Variants in KHDRBS2 observed in about 807,000 individuals in gnomAD.
KHDRBS2 encodes KH domain-containing, RNA-binding, signal transduction-associated protein 2.
KHDRBS2 carries 26 observed loss-of-function variants against 44.3 expected under a neutral mutation model. That is an observed-to-expected ratio of 0.59 (90% CI 0.43 to 0.81). The LOEUF (loss-of-function observed/expected upper bound fraction) is 0.81, where lower values mean the gene tolerates loss of function less well. Among genes scored for constraint, KHDRBS2 ranks in the 40% least tolerant of loss-of-function variants. The pLI is 0.00. For missense variants in KHDRBS2, 476 were observed against 433.1 expected (o/e 1.10, Z -0.88); for synonymous variants, 194 against 151.1 (o/e 1.28, Z -2.08).
chr6:62,055,122 G>A (rs574565119), intron 2 of KHDRBS2, among the ~76,000 whole-genome samples: 26 of 151,970 alleles, frequency 1.7e-4, no homozygotes, highest in African/African-American at 6.0e-4. Context: ...TTAAAATTAA[G>A]AATATCTGCT....
At chr6:62,124,669 C>T (rs1305169219) in intron 2 of KHDRBS2, among the ~76,000 whole-genome samples, 3 of 151,632 alleles carry the variant, frequency 2.0e-5, no homozygotes, top group Admixed American at 2.0e-4. Context: ...GATTCCATTT[C>T]TTTGCTATTG....
intron 6 of KHDRBS2, among the ~76,000 whole-genome samples, chr6:61,774,188 T>C (rs995103223): frequency 1.3e-5 from 2 of 152,260 alleles, no homozygotes; most frequent in East Asian, 1.9e-4. Context: ...AAGAAAGTCA[T>C]TGGTAGCTTG....
Position 62,009,956 on chromosome 6 carries a change from C to T in KHDRBS2, c.337-31744G>A, listed in dbSNP as rs141109007. Among the ~76,000 whole-genome samples, 189 of 152,262 alleles carry T rather than the reference C, an allele frequency of 1.2e-3. 2 individuals are homozygous for T. The highest frequency in any genetic ancestry group is 4.2e-3 in the African/African-American group (176 of 41,560). On this transcript the variant is annotated intron_variant, in intron 3 of 8. Coordinates refer to ENST00000281156, the MANE Select transcript of KHDRBS2 (RefSeq NM_152688.4). The stretch of plus-strand genomic sequence containing the variant: ...TGGGGTTGGAGCCCCCATACAGAGT[C>T]CTCACTGGGGTACTGCCTAGTGGAG...
At chr6:62,033,302 C>G (rs762214274) in intron 3 of KHDRBS2, among the ~76,000 whole-genome samples, 4 of 151,788 alleles carry the variant, frequency 2.6e-5, no homozygotes, top group Non-Finnish European at 5.9e-5. Context: ...TATTCAAAAG[C>G]ATTATAACAG....
chr6:61,767,607 A>C (rs2127574932), intron 6 of KHDRBS2, among the ~76,000 whole-genome samples: 1 of 151,866 alleles, frequency 6.6e-6, no homozygotes, highest in African/African-American at 2.4e-5. Flanking sequence ...AGTATATTTT[A>C]ATTTCTTGCT....
intron 2 of KHDRBS2, among the ~76,000 whole-genome samples, chr6:62,118,797 T>C (rs1015290560): frequency 2.6e-5 from 4 of 152,206 alleles, no homozygotes; most frequent in African/African-American, 9.6e-5. Context: ...CTACAGCTTT[T>C]GGACTCTTTG....
At chr6:62,067,337 A>G (rs1393726467) in intron 2 of KHDRBS2, among the ~76,000 whole-genome samples, 1 of 151,568 alleles carries the variant, frequency 6.6e-6, no homozygotes, top group Non-Finnish European at 1.5e-5. Context: ...TTACACCAGT[A>G]ACAGAAATGT....
At chr6:61,869,780 A>G (rs940083374) in intron 6 of KHDRBS2, among the ~76,000 whole-genome samples, 4 of 152,040 alleles carry the variant, frequency 2.6e-5, no homozygotes, top group East Asian at 1.9e-4. Context: ...CCCCTACCCA[A>G]TGGAAGCCAT....
chr6:62,204,793 T>A (rs1300852892), intron 1 of KHDRBS2, among the ~76,000 whole-genome samples: 1 of 152,138 alleles, frequency 6.6e-6, no homozygotes, highest in South Asian at 2.1e-4. Context: ...CTGTGAGGAA[T>A]CAGCATATAC....
chr6:62,106,075 C>A (rs957185339), intron 2 of KHDRBS2, among the ~76,000 whole-genome samples: 3 of 152,050 alleles, frequency 2.0e-5, no homozygotes, highest in African/African-American at 7.2e-5. Context: ...AGTTTCCATG[C>A]AGTTGAGCAG....
chr6:61,592,710 T>C, the KHDRBS2 span, among the ~76,000 whole-genome samples: 1 of 152,204 alleles, frequency 6.6e-6, no homozygotes, highest in Non-Finnish European at 1.5e-5. Flanking sequence ...GCTGAAAGTT[T>C]ATTTTCAGAA....
At chr6:62,222,697 T>C (rs1386709374) in intron 1 of KHDRBS2, among the ~76,000 whole-genome samples, 1 of 152,188 alleles carries the variant, frequency 6.6e-6, no homozygotes, top group South Asian at 2.1e-4. Context: ...TGGGTAAATA[T>C]TGCTGTTCTA....
At chr6:61,779,427 G>C (rs925788045) in intron 6 of KHDRBS2, among the ~76,000 whole-genome samples, 2 of 152,088 alleles carry the variant, frequency 1.3e-5, no homozygotes, top group Non-Finnish European at 2.9e-5. Context: ...TAAGAAAGCT[G>C]ATTTTTAGAT....
the KHDRBS2 span, among the ~76,000 whole-genome samples, chr6:61,640,557 T>C: frequency 1.3e-5 from 2 of 152,096 alleles, no homozygotes; most frequent in Non-Finnish European, 2.9e-5. Flanking sequence ...TGAGTCTGGA[T>C]TTTCACTGTT....
intron 2 of KHDRBS2, among the ~76,000 whole-genome samples, chr6:62,106,994 T>A (rs572537103): frequency 6.2e-4 from 94 of 152,176 alleles, no homozygotes; most frequent in South Asian, 2.9e-3. Flanking sequence ...TCATACTGAA[T>A]GGGCAAAAAC....
intron 6 of KHDRBS2, among the ~76,000 whole-genome samples, chr6:61,809,452 G>C (rs368252699): frequency 5.7e-4 from 86 of 152,176 alleles, no homozygotes; most frequent in African/African-American, 1.9e-3. Flanking sequence ...AGCCTGAAAT[G>C]CTTAGCTATT....
intron 6 of KHDRBS2, among the ~76,000 whole-genome samples, chr6:61,772,057 T>G (rs1412652068): frequency 6.6e-6 from 1 of 152,174 alleles, no homozygotes; most frequent in African/African-American, 2.4e-5. Context: ...CTGAACAACC[T>G]GCTCCTGAAT....
intron 6 of KHDRBS2, among the ~76,000 whole-genome samples, chr6:61,743,875 C>A (rs554693806): frequency 1.4e-5 from 2 of 146,832 alleles, no homozygotes; most frequent in African/African-American, 5.0e-5. Context: ...TGAGAACATG[C>A]GGTGTTTGGT....
chr6:62,279,967 C>T lies in KHDRBS2; in HGVS notation c.91+5891G>A, dbSNP rs1292749904. Among the ~76,000 whole-genome samples the T allele has an allele frequency of 5.9e-5, 9 of 152,174 alleles. 1 individual carries two copies. The highest frequency in any genetic ancestry group is 4.6e-4 in the Admixed American group (7 of 15,286). On this transcript the variant is annotated intron_variant, in intron 1 of 8. Coordinates refer to ENST00000281156, the MANE Select transcript of KHDRBS2 (RefSeq NM_152688.4). ...TAGTGATGAAAAAGACTTGGTTCTG[C>T]TCCTCAAGAGGAGACAGAGAGGAGC...
Sources: allele counts gnomAD v4.1 joint callset (sites outside exome capture counted in the v4.1 genomes callset), GRCh38; gene constraint gnomAD v4.1.1; transcripts MANE v1.5; gene names NCBI Gene and HGNC (gene_info 2026-07-23, HGNC 2026-07-21).